PABIR1: variants seen among roughly 807,000 people sequenced by gnomAD.
PABIR1 encodes PP2A Aalpha (PPP2R1A) and B55A (PPP2R2A) interacting phosphatase regulator 1.
Under a neutral mutation model 14.6 loss-of-function variants are expected in PABIR1, and 2 were observed. That is an observed-to-expected ratio of 0.14 (90% CI 0.06 to 0.43). The LOEUF (loss-of-function observed/expected upper bound fraction) is 0.43, where lower values mean the gene tolerates loss of function less well. PABIR1 is among the 20% of genes least tolerant of loss of function. The probability of loss-of-function intolerance (pLI) is 0.99; values close to 1 mark genes in which losing one functional copy is unlikely to be tolerated. For synonymous variants in PABIR1, 163 were observed against 155.4 expected (o/e 1.05, Z -0.36); for missense variants, 294 against 379.0 (o/e 0.78, Z 1.86).
Position 68,781,735 on chromosome 9 carries a change from A to T in PABIR1, c.*707A>T, listed in dbSNP as rs551427252. On this transcript the variant is annotated 3_prime_UTR_variant, in exon 1 of 1. Transcript: ENST00000394264. ...CAACTATAACTACTATAGAGAAAAT[A>T]AAATTTTTTCCTTTTTTTTTTTAAC... 4.2e-5 allele frequency: 7 copies of T among 166,986 alleles called. No individual in the cohort carries two copies. Among genetic ancestry groups the T allele is most frequent in the African/African-American group, 1.7e-4 (7 of 41,574 alleles). 10.3% of individuals were successfully genotyped at this position (166,986 alleles called of 1,614,324 possible).
In PABIR1 at chr9:68,783,575, A is replaced by G. The variant is rs1831427857; in HGVS notation, c.*2547A>G. 1.2e-5 allele frequency: 2 copies of G among 166,894 alleles called. No individual in the cohort carries two copies. The highest frequency in any genetic ancestry group is 4.1e-4 in the South Asian group (2 of 4,832). The allele number at this position is 166,894 out of a possible 1,614,324, so 10.3% of individuals were successfully genotyped here. A position where few individuals can be genotyped will look rare whatever the true frequency, so the allele number is the denominator to read the frequency against. On this transcript the variant is annotated 3_prime_UTR_variant, in exon 1 of 1. Coordinates refer to ENST00000394264, the MANE Select transcript of PABIR1 (RefSeq NM_138333.5). Reference sequence around the variant, plus strand: ...AGATGTGTTACTGGCATTTCCATGTATATATGTATATAAATGCAGGAAACC... The same window carrying G: ...AGATGTGTTACTGGCATTTCCATGTGTATATGTATATAAATGCAGGAAACC...
Position 68,780,096 on chromosome 9 carries a change from C to CATTAACAAA in PABIR1, c.-69_-68insATTAACAAA. 2.1e-6 allele frequency: 3 copies of CATTAACAAA among 1,430,486 alleles called. No individual in the cohort carries two copies. Among genetic ancestry groups the CATTAACAAA allele is most frequent in the Non-Finnish European group, 2.7e-6 (3 of 1,094,004 alleles). 88.6% of individuals were successfully genotyped at this position (1,430,486 alleles called of 1,614,324 possible). ...TCGGTGGCGGCGGCAGCGGCGGCGGCCCTGGACTGCGGGGAATGGGAATCC... is the reference window on the plus strand; with the variant it reads ...TCGGTGGCGGCGGCAGCGGCGGCGGCATTAACAAACCTGGACTGCGGGGAATGGGAATCC... On this transcript the variant is annotated 5_prime_UTR_variant, in exon 1 of 1. Coordinates refer to ENST00000394264, the MANE Select transcript of PABIR1 (RefSeq NM_138333.5).
rs953561049 is a variant in PABIR1 at position 68,785,153 on chromosome 9, T to C, written c.*4125T>C. On this transcript the variant is annotated 3_prime_UTR_variant, in exon 1 of 1. Transcript: ENST00000394264. ...TGACTAGGTTTGGGAATTGGTTAAG[T>C]GGGTACTAGGTAAAGCCCAGTGTGT... 6.6e-6 allele frequency among the ~76,000 whole-genome samples: 1 copy of C among 152,150 alleles called. No individual in the cohort carries two copies. The highest frequency in any genetic ancestry group is 6.5e-5 in the Admixed American group (1 of 15,282).
chr9:68,784,141 G>A lies in PABIR1; in HGVS notation c.*3113G>A, dbSNP rs1337404283. ...TTTTAAATCAGATAAGGTTCTAAGGGCATGTGGACAATTTACGTTATCATA... is the reference window on the plus strand; with the variant it reads ...TTTTAAATCAGATAAGGTTCTAAGGACATGTGGACAATTTACGTTATCATA... On this transcript the variant is annotated 3_prime_UTR_variant, in exon 1 of 1. Transcript: ENST00000394264. The A allele has an allele frequency of 6.0e-6, 1 of 167,082 alleles. No individual in the cohort carries two copies. Among genetic ancestry groups the A allele is most frequent in the Non-Finnish European group, 1.5e-5 (1 of 68,122 alleles). The allele number at this position is 167,082 out of a possible 1,614,324, so 10.3% of individuals were successfully genotyped here. A position where few individuals can be genotyped will look rare whatever the true frequency, so the allele number is the denominator to read the frequency against.
rs1480363968 is a variant in PABIR1, at chr9:68,783,200, G to A, written c.*2172G>A. ...TTAAGGAATGATTTCTTTAGCCTCA[G>A]ATAGAAGGACCTTTATGATCTGGCC... On this transcript the variant is annotated 3_prime_UTR_variant, in exon 1 of 1. Coordinates refer to ENST00000394264, the MANE Select transcript of PABIR1 (RefSeq NM_138333.5). 1 of 167,048 alleles carries A rather than the reference G, an allele frequency of 6.0e-6. No homozygotes were observed. The highest frequency in any genetic ancestry group is 1.5e-5 in the Non-Finnish European group (1 of 68,104). The allele number at this position is 167,048 out of a possible 1,614,324, so 10.3% of individuals were successfully genotyped here. A position where few individuals can be genotyped will look rare whatever the true frequency, so the allele number is the denominator to read the frequency against.
chr9:68,781,872 A>G lies in PABIR1; in HGVS notation c.*844A>G, dbSNP rs1831306337. ...AAGCTCTTTGTACTACTGCAAACTT[A>G]AAAGTTTTTCAAATGTGGGAAACGT... is the stretch of plus-strand genomic sequence containing the variant. On this transcript the variant is annotated 3_prime_UTR_variant, in exon 1 of 1. Transcript: ENST00000394264. 1 of 167,050 alleles carries G rather than the reference A, an allele frequency of 6.0e-6. No homozygotes were observed. The highest frequency in any genetic ancestry group is 2.4e-5 in the African/African-American group (1 of 41,442). The allele number at this position is 167,050 out of a possible 1,614,324, so 10.3% of individuals were successfully genotyped here.
At position 68,780,243 on chromosome 9, in the gene PABIR1, G is replaced by A. The variant is rs1380570718; in HGVS notation, c.79G>A (p.Gly27Ser). The A allele has an allele frequency of 1.3e-6, 2 of 1,531,712 alleles. No individual in the cohort carries two copies. Among genetic ancestry groups the A allele is most frequent in the African/African-American group, 1.4e-5 (1 of 71,904 alleles). 94.9% of individuals were successfully genotyped at this position (1,531,712 alleles called of 1,614,324 possible). The change falls in exon 1 of 1, where the codon GGC (glycine) becomes AGC (serine). Residue 27 changes from glycine (G) to serine (S), a missense_variant. Around this residue, in one of 3 missense-constraint regions of PABIR1, gnomAD observed 96 missense variants for 102.2 expected, o/e 0.94. Transcript: ENST00000394264. ...GAGCCCGGCGGAGGGCGGTGGCAGC[G>A]GCGGCGGCGGGGGCCTCAGGAGGTC... ...GGSPAEGGGS[G>S]GGGGLRRSNS...
In PABIR1 at chr9:68,783,599, C is replaced by A. The variant is rs1831429702; in HGVS notation, c.*2571C>A. 6.0e-6 allele frequency: 1 copy of A among 166,868 alleles called. No homozygotes were observed. Among genetic ancestry groups the A allele is most frequent in the South Asian group, 2.1e-4 (1 of 4,830 alleles). The allele number at this position is 166,868 out of a possible 1,614,324, so 10.3% of individuals were successfully genotyped here. On this transcript the variant is annotated 3_prime_UTR_variant, in exon 1 of 1. Coordinates refer to ENST00000394264, the MANE Select transcript of PABIR1 (RefSeq NM_138333.5). The stretch of plus-strand genomic sequence containing the variant: ...TATATATGTATATAAATGCAGGAAA[C>A]CAACATGTCATTGACACCTCTCTTC...
In PABIR1 at chr9:68,781,288, A is replaced by G; in HGVS notation, c.*260A>G. On this transcript the variant is annotated 3_prime_UTR_variant, in exon 1 of 1. Coordinates refer to ENST00000394264, the MANE Select transcript of PABIR1 (RefSeq NM_138333.5). Reference sequence around the variant, plus strand: ...ACATCTTTACGCTGCTAATATGTCTAAATACATATGTTATCCCTTGATTTT... The same window carrying G: ...ACATCTTTACGCTGCTAATATGTCTGAATACATATGTTATCCCTTGATTTT... 2.4e-6 allele frequency: 1 copy of G among 419,408 alleles called. No individual in the cohort carries two copies. Among genetic ancestry groups the G allele is most frequent in the Admixed American group, 4.2e-5 (1 of 23,536 alleles). 26.0% of individuals were successfully genotyped at this position (419,408 alleles called of 1,614,324 possible).
In PABIR1 at chr9:68,783,246, T is replaced by C. The variant is rs1033823156; in HGVS notation, c.*2218T>C. 1 of 167,060 alleles carries C rather than the reference T, an allele frequency of 6.0e-6. No homozygotes were observed. Among genetic ancestry groups the C allele is most frequent in the Admixed American group, 6.5e-5 (1 of 15,294 alleles). The allele number at this position is 167,060 out of a possible 1,614,324, so 10.3% of individuals were successfully genotyped here. A position where few individuals can be genotyped will look rare whatever the true frequency, so the allele number is the denominator to read the frequency against. On this transcript the variant is annotated 3_prime_UTR_variant, in exon 1 of 1. Coordinates refer to ENST00000394264, the MANE Select transcript of PABIR1 (RefSeq NM_138333.5). ...TGGCCATATTCTGAAATAGCTTCAA[T>C]CCTCTCCTCATCTCTGTTCCAGTAT...
In PABIR1 at chr9:68,780,079, G is replaced by GGCGGCA. The variant is rs1413275226; in HGVS notation, c.-80_-75dup. On this transcript the variant is annotated 5_prime_UTR_variant, in exon 1 of 1. Coordinates refer to ENST00000394264, the MANE Select transcript of PABIR1 (RefSeq NM_138333.5). ...AGCCCGCTGACAGATTCTCGGTGGC[G>GGCGGCA]GCGGCAGCGGCGGCGGCCCTGGACT... 8.3e-6 allele frequency: 11 copies of GGCGGCA among 1,324,478 alleles called. No individual in the cohort carries two copies. The highest frequency in any genetic ancestry group is 4.6e-5 in the African/African-American group (3 of 65,362). 82.0% of individuals were successfully genotyped at this position (1,324,478 alleles called of 1,614,324 possible). A position where few individuals can be genotyped will look rare whatever the true frequency, so the allele number is the denominator to read the frequency against.
At position 68,780,132 on chromosome 9, in the gene PABIR1, A is replaced by C; in HGVS notation, c.-33A>C. The C allele has an allele frequency of 2.0e-6, 3 of 1,506,070 alleles. No homozygotes were observed. The highest frequency in any genetic ancestry group is 2.6e-6 in the Non-Finnish European group (3 of 1,132,346). The allele number at this position is 1,506,070 out of a possible 1,614,324, so 93.3% of individuals were successfully genotyped here. On this transcript the variant is annotated 5_prime_UTR_variant, in exon 1 of 1. The change abolishes the stop of an existing upstream ORF in the 5' untranslated region. Transcript: ENST00000394264. ...GGGGAATGGGAATCCTAGGTCCCTG[A>C]CTGAGCACCTCCCCCGCCTCCCTGC...
In PABIR1 at chr9:68,781,178, ACTT is replaced by A. The variant is rs764408297; in HGVS notation, c.*153_*155del. Reference sequence around the variant, plus strand: ...CCCTGAAATGATGTTATTCTAGAGAACTTCTATGTCAGGTTCCTTTGGATACCC... The same window carrying A: ...CCCTGAAATGATGTTATTCTAGAGAACTATGTCAGGTTCCTTTGGATACCC... On this transcript the variant is annotated 3_prime_UTR_variant, in exon 1 of 1. Transcript: ENST00000394264. 9 of 1,063,058 alleles carry A rather than the reference ACTT, an allele frequency of 8.5e-6. No homozygotes were observed. The highest frequency in any genetic ancestry group is 1.2e-5 in the Non-Finnish European group (9 of 733,994). 65.9% of individuals were successfully genotyped at this position (1,063,058 alleles called of 1,614,324 possible).
Position 68,780,276 on chromosome 9 carries a change from G to GC in PABIR1, c.118dup (p.Leu40ProfsTer7). The GC allele has an allele frequency of 1.3e-6, 2 of 1,577,816 alleles. No homozygotes were observed. Among genetic ancestry groups the GC allele is most frequent in the Non-Finnish European group, 8.6e-7 (1 of 1,164,366 alleles). On this transcript the variant is annotated frameshift_variant, in exon 1 of 1. Coordinates refer to ENST00000394264, the MANE Select transcript of PABIR1 (RefSeq NM_138333.5). LOFTEE classifies it high-confidence loss of function. Reference sequence around the variant, plus strand: ...CGGGGGCCTCAGGAGGTCTAACAGCGCCCCCCTGATCCACGGCCTCAGTGA... The same window carrying GC: ...CGGGGGCCTCAGGAGGTCTAACAGCGCCCCCCCTGATCCACGGCCTCAGTGA...
rs1258857143 is a variant in PABIR1, at chr9:68,783,812, A to G, written c.*2784A>G. The stretch of plus-strand genomic sequence containing the variant: ...ACTCACTCTGGTCGGCTATCCATTC[A>G]TTCTCCATACAGCAACTAGAGTCAT... On this transcript the variant is annotated 3_prime_UTR_variant, in exon 1 of 1. Transcript: ENST00000394264. 1.8e-5 allele frequency: 3 copies of G among 167,038 alleles called. No individual in the cohort carries two copies. Among genetic ancestry groups the G allele is most frequent in the African/African-American group, 4.8e-5 (2 of 41,454 alleles). 10.3% of individuals were successfully genotyped at this position (167,038 alleles called of 1,614,324 possible).
rs1230237964 is a variant in PABIR1, at chr9:68,782,665, C to G, written c.*1637C>G. The G allele has an allele frequency of 6.0e-6, 1 of 167,074 alleles. No individual in the cohort carries two copies. Among genetic ancestry groups the G allele is most frequent in the Non-Finnish European group, 1.5e-5 (1 of 68,122 alleles). The allele number at this position is 167,074 out of a possible 1,614,324, so 10.3% of individuals were successfully genotyped here. ...GAGTGAAATTGCATCGAGGGTAAGACTGTGTCCACAGGTTTAAAATTCTCT... is the reference window on the plus strand; with the variant it reads ...GAGTGAAATTGCATCGAGGGTAAGAGTGTGTCCACAGGTTTAAAATTCTCT... On this transcript the variant is annotated 3_prime_UTR_variant, in exon 1 of 1. Transcript: ENST00000394264.
rs748999752 is a variant in PABIR1 at position 68,780,240 on chromosome 9, A to AGCGGCG, written c.84_89dup (p.Gly30_Gly31dup). On this transcript the variant is annotated inframe_insertion, in exon 1 of 1. Coordinates refer to ENST00000394264, the MANE Select transcript of PABIR1 (RefSeq NM_138333.5). ...CGGGAGCCCGGCGGAGGGCGGTGGC[A>AGCGGCG]GCGGCGGCGGCGGGGGCCTCAGGAG... 2 of 1,542,736 alleles carry AGCGGCG rather than the reference A, an allele frequency of 1.3e-6. No individual in the cohort carries two copies. Among genetic ancestry groups the AGCGGCG allele is most frequent in the Non-Finnish European group, 1.7e-6 (2 of 1,150,474 alleles).
Position 68,783,361 on chromosome 9 carries a change from A to G in PABIR1, c.*2333A>G, listed in dbSNP as rs146520243. 4.1e-3 allele frequency: 691 copies of G among 167,016 alleles called. 2 individuals are homozygous for G. The highest frequency in any genetic ancestry group is 6.9e-3 in the Non-Finnish European group (467 of 68,110). 10.3% of individuals were successfully genotyped at this position (167,016 alleles called of 1,614,324 possible). On this transcript the variant is annotated 3_prime_UTR_variant, in exon 1 of 1. Coordinates refer to ENST00000394264, the MANE Select transcript of PABIR1 (RefSeq NM_138333.5). ...TTTCTTGTGTCTGTTCTTTGGGATAATTCCTATCCTTTTCAGGGAGGCAAA... is the reference window on the plus strand; with the variant it reads ...TTTCTTGTGTCTGTTCTTTGGGATAGTTCCTATCCTTTTCAGGGAGGCAAA...
chr9:68,785,436 A>G lies in PABIR1; in HGVS notation c.*4408A>G, dbSNP rs1254106213. Among the ~76,000 whole-genome samples, 1 of 152,232 alleles carries G rather than the reference A, an allele frequency of 6.6e-6. No individual in the cohort carries two copies. Among genetic ancestry groups the G allele is most frequent in the African/African-American group, 2.4e-5 (1 of 41,454 alleles). On this transcript the variant is annotated 3_prime_UTR_variant, in exon 1 of 1. Transcript: ENST00000394264. The stretch of plus-strand genomic sequence containing the variant: ...CACTTACTTGGTAAAAAATTGTGTC[A>G]GATTGCTCACTGTAGCCAAGACAGA...
Sources: allele counts gnomAD v4.1 joint callset (sites outside exome capture counted in the v4.1 genomes callset), GRCh38; gene constraint gnomAD v4.1.1; regional missense constraint gnomAD v4.1.1; transcripts MANE v1.5; gene names NCBI Gene and HGNC (gene_info 2026-07-23, HGNC 2026-07-21).